The following GNAQ variants were observed in gnomAD, a reference collection of about 807,000 sequenced individuals.
The protein encoded by GNAQ is guanine nucleotide-binding protein G(q) subunit alpha.
In GNAQ, 8 loss-of-function variants were observed where a neutral mutation model predicts 43.9. That is an observed-to-expected ratio of 0.18 (90% CI 0.11 to 0.33). The LOEUF (loss-of-function observed/expected upper bound fraction) is 0.33. Ranked by LOEUF, GNAQ falls within the 10% of genes least tolerant of loss-of-function variation. GNAQ has a pLI of 1.00. For synonymous variants in GNAQ, 155 were observed against 170.7 expected (o/e 0.91, Z 0.71); for missense variants, 158 against 450.8 (o/e 0.35, Z 5.88).
chr9:78,014,571 A>G (rs909915052), intron 1 of GNAQ, among the ~76,000 whole-genome samples: 6 of 152,134 alleles, frequency 3.9e-5, no homozygotes, highest in African/African-American at 1.4e-4. Flanking sequence ...GCGCCACTGC[A>G]CTCCAGCCTG....
rs565937004 is a variant in GNAQ, at chr9:77,821,843, T to C, written c.322-6073A>G. On this transcript the variant is annotated intron_variant, in intron 2 of 6. Coordinates refer to ENST00000286548, the MANE Select transcript of GNAQ (RefSeq NM_002072.5). ...CAAAGTCACAGTTGATTTAAAAAAATTGAAAAGAGAGATTAAAGATATGCA... is the reference window on the plus strand; with the variant it reads ...CAAAGTCACAGTTGATTTAAAAAAACTGAAAAGAGAGATTAAAGATATGCA... Among the ~76,000 whole-genome samples the C allele has an allele frequency of 7.3e-5, 11 of 151,680 alleles. 1 individual carries two copies. In the South Asian group the frequency reaches 1.9e-3, roughly 26 times the overall value.
chr9:77,880,502 T>A (rs548516000), intron 2 of GNAQ, among the ~76,000 whole-genome samples: 1 of 152,088 alleles, frequency 6.6e-6, no homozygotes, highest in Non-Finnish European at 1.5e-5. Flanking sequence ...CACCTCAGCC[T>A]TCTGAATGGC....
At chr9:77,987,759 A>G (rs1264287582) in intron 1 of GNAQ, among the ~76,000 whole-genome samples, 1 of 152,174 alleles carries the variant, frequency 6.6e-6, no homozygotes, top group East Asian at 1.9e-4. Flanking sequence ...AGCTGGGCAC[A>G]GTGGCATCCA....
intron 2 of GNAQ, among the ~76,000 whole-genome samples, chr9:77,886,794 T>A (rs947434797): frequency 6.6e-6 from 1 of 152,060 alleles, no homozygotes; most frequent in Non-Finnish European, 1.5e-5. Context: ...TGGATACAGC[T>A]TAGCATGTTA....
At chr9:77,908,395 T>A (rs1311771473) in intron 2 of GNAQ, among the ~76,000 whole-genome samples, 1 of 152,194 alleles carries the variant, frequency 6.6e-6, no homozygotes. Flanking sequence ...GTCTCATTCT[T>A]GGATCATAGC....
chr9:77,849,876 G>C (rs560817216), intron 2 of GNAQ, among the ~76,000 whole-genome samples: 2 of 152,260 alleles, frequency 1.3e-5, no homozygotes, highest in African/African-American at 4.8e-5. Flanking sequence ...ATGTTGCCCA[G>C]GTTGGTCTCA....
At chr9:77,905,310 A>G (rs1402687846) in intron 2 of GNAQ, among the ~76,000 whole-genome samples, 3 of 152,150 alleles carry the variant, frequency 2.0e-5, no homozygotes, top group Non-Finnish European at 4.4e-5. Context: ...GAGTATTACT[A>G]TTGTTCTAAT....
intron 3 of GNAQ, among the ~76,000 whole-genome samples, chr9:77,809,038 G>A (rs943315235): frequency 1.4e-4 from 21 of 152,170 alleles, no homozygotes; most frequent in Non-Finnish European, 1.5e-4. Flanking sequence ...TTAGCTGGAT[G>A]TGTTACCCTA....
At chr9:77,751,732 A>T (rs946304544) in intron 5 of GNAQ, among the ~76,000 whole-genome samples, 1 of 152,196 alleles carries the variant, frequency 6.6e-6, no homozygotes, top group Non-Finnish European at 1.5e-5. Context: ...TGTAATTTCA[A>T]TTTGATGGCT....
intron 1 of GNAQ, among the ~76,000 whole-genome samples, chr9:77,972,950 T>C (rs1278698536): frequency 8.4e-6 from 1 of 119,056 alleles, no homozygotes; most frequent in Non-Finnish European, 1.7e-5. Flanking sequence ...CAAGACTCCA[T>C]CTCAAAAAAA....
chr9:77,880,668 T>C (rs1828194294), intron 2 of GNAQ, among the ~76,000 whole-genome samples: 1 of 151,820 alleles, frequency 6.6e-6, no homozygotes, highest in Non-Finnish European at 1.5e-5. Flanking sequence ...GCACCCCACA[T>C]CCCAAATTCT....
At chr9:77,893,269 A>G (rs1372814686) in intron 2 of GNAQ, among the ~76,000 whole-genome samples, 2 of 152,162 alleles carry the variant, frequency 1.3e-5, no homozygotes, top group Non-Finnish European at 2.9e-5. Context: ...AAACCCACCA[A>G]AACTAAGATG....
intron 1 of GNAQ, among the ~76,000 whole-genome samples, chr9:78,005,637 C>T (rs1823696105): frequency 6.6e-6 from 1 of 152,084 alleles, no homozygotes; most frequent in Admixed American, 6.5e-5. Flanking sequence ...GAACTTTTAC[C>T]AACACCATCC....
intron 1 of GNAQ, among the ~76,000 whole-genome samples, chr9:77,932,396 A>C (rs1469824139): frequency 6.6e-6 from 1 of 152,244 alleles, no homozygotes; most frequent in Admixed American, 6.5e-5. Context: ...TAGATGAATA[A>C]TAAAATATCT....
At chr9:77,908,156 C>T (rs1769549142) in intron 2 of GNAQ, among the ~76,000 whole-genome samples, 2 of 152,186 alleles carry the variant, frequency 1.3e-5, no homozygotes, top group African/African-American at 2.4e-5. Context: ...CCTTTTTCTT[C>T]TGTCCCTTTG....
intron 2 of GNAQ, among the ~76,000 whole-genome samples, chr9:77,870,564 G>A (rs1828021805): frequency 6.6e-6 from 1 of 151,866 alleles, no homozygotes; most frequent in African/African-American, 2.4e-5. Context: ...CTGGTCTCGT[G>A]ATCCGCCCGC....
At chr9:77,831,864 T>C (rs537299715) in intron 2 of GNAQ, among the ~76,000 whole-genome samples, 2 of 152,340 alleles carry the variant, frequency 1.3e-5, no homozygotes, top group African/African-American at 4.8e-5. Flanking sequence ...TATGTATCTA[T>C]ATACCTGCCT....
At chr9:77,934,414 T>C (rs1223257770) in intron 1 of GNAQ, among the ~76,000 whole-genome samples, 2 of 152,160 alleles carry the variant, frequency 1.3e-5, no homozygotes, top group Admixed American at 1.3e-4. Flanking sequence ...TCAAGGTTAA[T>C]ATGTCAAGTT....
chr9:77,727,144 G>A (rs1825410029), intron 6 of GNAQ, among the ~76,000 whole-genome samples: 1 of 150,736 alleles, frequency 6.6e-6, no homozygotes, highest in African/African-American at 2.4e-5. Context: ...GAGTATAGTG[G>A]CAGGATCATG....
Sources: gnomAD v4.1 joint callset for allele counts (sites outside exome capture counted in the v4.1 genomes callset) on GRCh38, gnomAD v4.1.1 for gene constraint, MANE v1.5 for transcripts, NCBI Gene and HGNC (gene_info 2026-07-23, HGNC 2026-07-21) for gene names.